Variants in PPP2R2A observed in about 807,000 individuals in gnomAD.
PPP2R2A encodes protein phosphatase 2 regulatory subunit Balpha.
PPP2R2A carries 9 observed loss-of-function variants against 53.2 expected under a neutral mutation model. The observed-to-expected ratio is 0.17, with a 90% CI of 0.10 to 0.30. The LOEUF (loss-of-function observed/expected upper bound fraction) is 0.30. Ranked by LOEUF, PPP2R2A falls within the 10% of genes least tolerant of loss-of-function variation. The probability of loss-of-function intolerance (pLI) is 1.00; values close to 1 mark genes in which losing one functional copy is unlikely to be tolerated. For synonymous variants in PPP2R2A, 169 were observed against 174.2 expected (o/e 0.97, Z 0.23); for missense variants, 235 against 534.6 (o/e 0.44, Z 5.53).
At chr8:26,314,572 A>G (rs912038419) in intron 2 of PPP2R2A, among the ~76,000 whole-genome samples, 13 of 152,306 alleles carry the variant, frequency 8.5e-5, no homozygotes, top group Middle Eastern at 3.4e-3. Flanking sequence ...TGCCTGGAAG[A>G]GATGTCTTTA....
intron 2 of PPP2R2A, among the ~76,000 whole-genome samples, chr8:26,335,006 G>A (rs1310092105): frequency 6.6e-6 from 1 of 152,092 alleles, no homozygotes; most frequent in Non-Finnish European, 1.5e-5. Context: ...AAAAAGCAGC[G>A]ATGTTTGTAT....
chr8:26,318,794 TTAAC>T (rs2117259237), intron 2 of PPP2R2A, among the ~76,000 whole-genome samples: 1 of 152,328 alleles, frequency 6.6e-6, no homozygotes, highest in East Asian at 1.9e-4. Flanking sequence ...AGCCAATGAA[TTAAC>T]TAGCCCTGGG....
chr8:26,324,010 C>T (rs1429982958), intron 2 of PPP2R2A, among the ~76,000 whole-genome samples: 1 of 152,234 alleles, frequency 6.6e-6, no homozygotes, highest in East Asian at 1.9e-4. Flanking sequence ...AAGTCCACTG[C>T]CCTTTTACCG....
intron 8 of PPP2R2A, chr8:26,365,796 A>T (rs1805343364): frequency 6.6e-6 from 1 of 152,286 alleles, no homozygotes. Flanking sequence ...TATGCCCAGA[A>T]TAACCATATA....
chr8:26,298,224 A>G (rs1801628008), intron 2 of PPP2R2A, among the ~76,000 whole-genome samples: 1 of 151,792 alleles, frequency 6.6e-6, no homozygotes, highest in South Asian at 2.1e-4. Flanking sequence ...ATTTTACAGT[A>G]AGAAGTTTTT....
chr8:26,343,250 A>G (rs1235718289), intron 3 of PPP2R2A, among the ~76,000 whole-genome samples: 1 of 152,182 alleles, frequency 6.6e-6, no homozygotes, highest in Non-Finnish European at 1.5e-5. Flanking sequence ...CAGAATATGT[A>G]TGTATATGGT....
chr8:26,329,121 C>A (rs1485680541), intron 2 of PPP2R2A, among the ~76,000 whole-genome samples: 1 of 152,060 alleles, frequency 6.6e-6, no homozygotes, highest in East Asian at 1.9e-4. Context: ...ACCTTTATTG[C>A]AGTACTGATT....
rs1805057258 is a variant in PPP2R2A, at chr8:26,361,039, T to C, written c.525T>C (p.Ala175=). The change falls in exon 6 of 10, where the codon GCT becomes GCC. Residue 175 remains alanine, a synonymous_variant. Coordinates refer to ENST00000380737, the MANE Select transcript of PPP2R2A (RefSeq NM_002717.4). Reference sequence around the variant, plus strand: ...GTCCACGAAGAATATTTGCCAATGCTCATACATATCACATCAACTCAATTT... The same window carrying C: ...GTCCACGAAGAATATTTGCCAATGCCCATACATATCACATCAACTCAATTT... The part of the protein sequence containing the change: ...EASPRRIFAN[A]HTYHINSISI... The C allele has an allele frequency of 1.9e-6, 3 of 1,608,810 alleles. No individual in the cohort carries two copies. Among genetic ancestry groups the C allele is most frequent in the African/African-American group, 1.3e-5 (1 of 74,660 alleles).
chr8:26,323,612 G>T, intron 2 of PPP2R2A, among the ~76,000 whole-genome samples: 1 of 152,202 alleles, frequency 6.6e-6, no homozygotes, highest in South Asian at 2.1e-4. Context: ...ACTTTATTAT[G>T]AAGGGCATTT....
At chr8:26,368,146 A>G (rs1008303180) in intron 9 of PPP2R2A, among the ~76,000 whole-genome samples, 1 of 152,218 alleles carries the variant, frequency 6.6e-6, no homozygotes, top group East Asian at 1.9e-4. Context: ...GGGGATGTCA[A>G]TCTAAATTAC....
intron 1 of PPP2R2A, chr8:26,293,438 C>G: frequency 2.8e-6 from 2 of 719,840 alleles, no homozygotes; most frequent in Non-Finnish European, 4.5e-6. Context: ...TTAATGACCA[C>G]AGAACATGTG....
chr8:26,320,046 G>A (rs1802757993), intron 2 of PPP2R2A, among the ~76,000 whole-genome samples: 1 of 152,132 alleles, frequency 6.6e-6, no homozygotes, highest in South Asian at 2.1e-4. Flanking sequence ...TATTCCCTAA[G>A]TGCCGTGCTA....
chr8:26,331,329 G>A (rs780823652), intron 2 of PPP2R2A, among the ~76,000 whole-genome samples: 22 of 152,144 alleles, frequency 1.4e-4, no homozygotes, highest in Admixed American at 3.3e-4. Context: ...ATCTTTCACA[G>A]CAGGACAATA....
chr8:26,308,467 A>T (rs1461268082), intron 2 of PPP2R2A, among the ~76,000 whole-genome samples: 2 of 152,150 alleles, frequency 1.3e-5, no homozygotes, highest in Admixed American at 1.3e-4. Context: ...TGTTTGTTTC[A>T]TTTCAACAAT....
At chr8:26,326,852 A>G (rs780069103) in intron 2 of PPP2R2A, among the ~76,000 whole-genome samples, 2 of 152,204 alleles carry the variant, frequency 1.3e-5, no homozygotes, top group Non-Finnish European at 2.9e-5. Flanking sequence ...CTTCTTTCTA[A>G]CATATGTAAC....
At chr8:26,345,065 C>T (rs1804142392) in intron 3 of PPP2R2A, among the ~76,000 whole-genome samples, 1 of 152,154 alleles carries the variant, frequency 6.6e-6, no homozygotes, top group South Asian at 2.1e-4. Context: ...TGACCCATCA[C>T]ATGAGGCCAG....
intron 2 of PPP2R2A, among the ~76,000 whole-genome samples, chr8:26,306,727 C>T (rs923983881): frequency 6.6e-6 from 1 of 151,798 alleles, no homozygotes. Context: ...GCCTGTAGTC[C>T]CAGCTACTCA....
intron 1 of PPP2R2A, among the ~76,000 whole-genome samples, chr8:26,292,854 G>T (rs919912461): frequency 7.9e-5 from 12 of 152,150 alleles, no homozygotes; most frequent in African/African-American, 2.9e-4. Flanking sequence ...GAAACATTCC[G>T]AGATGAGACC....
At chr8:26,317,044 T>G (rs920438349) in intron 2 of PPP2R2A, among the ~76,000 whole-genome samples, 1 of 152,356 alleles carries the variant, frequency 6.6e-6, no homozygotes, top group South Asian at 2.1e-4. Flanking sequence ...TGGCTTTCTT[T>G]GTTTTCCATC....
Sources: allele counts gnomAD v4.1 joint callset (sites outside exome capture counted in the v4.1 genomes callset), GRCh38; gene constraint gnomAD v4.1.1; transcripts MANE v1.5; gene names NCBI Gene and HGNC (gene_info 2026-07-23, HGNC 2026-07-21).